Variants in RAB37 observed in about 807,000 individuals in gnomAD.
The protein encoded by RAB37 is RAB37, member RAS oncogene family, also known as ras-related protein Rab-37.
RAB37 carries 29 observed loss-of-function variants against 33.1 expected under a neutral mutation model. The observed-to-expected ratio is 0.88, with a 90% CI of 0.65 to 1.20. The LOEUF (loss-of-function observed/expected upper bound fraction) is 1.20, where lower values mean the gene tolerates loss of function less well. Ranked by LOEUF, RAB37 falls within the 50% of genes most tolerant of loss-of-function variation. The probability of loss-of-function intolerance (pLI) is 0.00; values close to 1 mark genes in which losing one functional copy is unlikely to be tolerated. For synonymous variants in RAB37, 128 were observed against 119.5 expected (o/e 1.07, Z -0.47); for missense variants, 299 against 301.1 (o/e 0.99, Z 0.05).
chr17:74,708,233 G>C (rs1293951676), intron 1 of RAB37, among the ~76,000 whole-genome samples: 3 of 151,548 alleles, frequency 2.0e-5, no homozygotes, highest in Non-Finnish European at 4.4e-5. Context: ...TAGAAAACCT[G>C]AATCATTCCA....
At chr17:74,726,634 T>C (rs757524420) in intron 1 of RAB37, among the ~76,000 whole-genome samples, 12 of 152,136 alleles carry the variant, frequency 7.9e-5, no homozygotes, top group Non-Finnish European at 1.3e-4. Context: ...AAATAAAAGC[T>C]GGAGAGGTTC....
chr17:74,708,223 T>C (rs1444396680), intron 1 of RAB37, among the ~76,000 whole-genome samples: 1 of 146,906 alleles, frequency 6.8e-6, no homozygotes, highest in Non-Finnish European at 1.5e-5. Context: ...ACAAAATAAA[T>C]AGAAAACCTG....
chr17:74,695,613 C>G, intron 1 of RAB37: 1 of 1,481,906 alleles, frequency 6.7e-7, no homozygotes, highest in Non-Finnish European at 9.2e-7. Flanking sequence ...TGCCCCACAC[C>G]TGCCTCCTCT....
In RAB37 at chr17:74,730,210, T is replaced by G. The variant is rs2034367915; in HGVS notation, c.183+844T>G. ...AGGGCCTTCCCTTGGGACTCCAGAA[T>G]CCTAGCATCTCAAGATGGGGAAGAG... On this transcript the variant is annotated intron_variant, in intron 2 of 7. Coordinates refer to the RAB37 transcript ENST00000340415. The surrounding 1 kb of genome is among the most constrained non-coding windows in gnomAD (Gnocchi z 4.4). Among the ~76,000 whole-genome samples the G allele has an allele frequency of 6.6e-6, 1 of 152,120 alleles. No individual in the cohort carries two copies. Among genetic ancestry groups the G allele is most frequent in the East Asian group, 1.9e-4 (1 of 5,182 alleles).
chr17:74,737,214 G>GGGGGGGGGGGGGGGGGGC (rs2144055748), upstream of RAB37: 1 of 1,245,040 alleles, frequency 8.0e-7, no homozygotes. Flanking sequence ...CGGGGGTGGG[G>GGGGGGGGGGGGGGGGGGC]CCGTTCCTGC....
chr17:74,737,438 C>T, intron 1 of RAB37, 73 bp downstream of exon 1: 1 of 1,447,930 alleles, frequency 6.9e-7, no homozygotes, highest in Non-Finnish European at 9.2e-7. Flanking sequence ...CTGGGTTGGA[C>T]TCAGCCCTTC....
intron 1 of RAB37, among the ~76,000 whole-genome samples, chr17:74,682,625 C>T (rs1315225821): frequency 6.6e-6 from 1 of 152,184 alleles, no homozygotes; most frequent in African/African-American, 2.4e-5. Context: ...AGAAAATGGG[C>T]CGGGCGTGGT....
At chr17:74,685,745 C>G (rs1213867663) in intron 1 of RAB37, among the ~76,000 whole-genome samples, 1 of 152,194 alleles carries the variant, frequency 6.6e-6, no homozygotes, top group East Asian at 1.9e-4. Flanking sequence ...TTATCACTGA[C>G]CTCCAGAAAT....
chr17:74,742,272 G>T lies in RAB37; in HGVS notation c.223G>T (p.Asp75Tyr). 4.3e-6 allele frequency: 7 copies of T among 1,613,376 alleles called. No homozygotes were observed. Among genetic ancestry groups the T allele is most frequent in the Non-Finnish European group, 5.9e-6 (7 of 1,179,558 alleles). Residue 75 changes from aspartate to tyrosine, a missense_variant, in exon 3 of 9, where the codon GAT becomes TAT. Physicochemically the swap from Asp to Tyr is radical, Grantham distance 160. Transcript: ENST00000392613. This position sits in a 1 kb window ranked among gnomAD's most constrained non-coding sequence, Gnocchi z 4.0. ...CTTTCAGAACAAGGTGGTGACTGTGGATGGCGTGAGAGTGAAGCTGCAGGT... is the reference window on the plus strand; with the variant it reads ...CTTTCAGAACAAGGTGGTGACTGTGTATGGCGTGAGAGTGAAGCTGCAGGT... ...IDFRNKVVTV[D>Y]GVRVKLQIWD...
chr17:74,739,812 T>G (rs2034565506), intron 1 of RAB37, among the ~76,000 whole-genome samples: 1 of 151,978 alleles, frequency 6.6e-6, no homozygotes, highest in African/African-American at 2.4e-5. Context: ...ATTACACACA[T>G]GAGCTACTGC....
At chr17:74,674,953 T>A (rs2031792988) in intron 1 of RAB37, among the ~76,000 whole-genome samples, 1 of 152,186 alleles carries the variant, frequency 6.6e-6, no homozygotes, top group Non-Finnish European at 1.5e-5. Context: ...AGAAGAGATA[T>A]TGTCGTATGA....
chr17:74,725,796 G>A (rs1267078072), intron 1 of RAB37, among the ~76,000 whole-genome samples: 1 of 151,660 alleles, frequency 6.6e-6, no homozygotes, highest in Non-Finnish European at 1.5e-5. Context: ...GCTAATTTTT[G>A]TATTTTTAGT....
At chr17:74,685,406 T>C (rs1273062805) in intron 1 of RAB37, among the ~76,000 whole-genome samples, 1 of 152,192 alleles carries the variant, frequency 6.6e-6, no homozygotes, top group Non-Finnish European at 1.5e-5. Flanking sequence ...CAGGCTGGTC[T>C]CGATCTCATG....
chr17:74,681,057 C>T lies in RAB37; in HGVS notation c.72+9399C>T, dbSNP rs537582471. Among the ~76,000 whole-genome samples, 105 of 152,360 alleles carry T rather than the reference C, an allele frequency of 6.9e-4. 3 individuals are homozygous for T. The South Asian group carries it at 0.021, about 31-fold the overall frequency. ...CACATGCCAGTCCCCAGGAACAAAACCCACTCTTCATTCCCCAAGGAGCTG... is the reference window on the plus strand; with the variant it reads ...CACATGCCAGTCCCCAGGAACAAAATCCACTCTTCATTCCCCAAGGAGCTG... On this transcript the variant is annotated intron_variant, in intron 1 of 7. Transcript: ENST00000340415.
intron 1 of RAB37, among the ~76,000 whole-genome samples, chr17:74,717,827 A>AG (rs1598302187): frequency 2.7e-5 from 4 of 149,258 alleles, no homozygotes; most frequent in African/African-American, 7.4e-5. Context: ...AAAAAAAAAA[A>AG]CAGAAAAGAA....
At chr17:74,740,941 G>A (rs1598326116) in intron 2 of RAB37, 63 bp downstream of exon 2, 2 of 1,258,854 alleles carry the variant, frequency 1.6e-6, no homozygotes, top group South Asian at 1.2e-5. Context: ...GGCATGGGGG[G>A]GTTGCCCCCA....
At chr17:74,697,549 C>T (rs80338077) in intron 1 of RAB37, among the ~76,000 whole-genome samples, 8,268 of 152,246 alleles carry the variant, frequency 0.054, 453 homozygotes, top group African/African-American at 0.13. Context: ...CGAAAGATTT[C>T]CCAGGCTGTG....
At chr17:74,731,422 G>T (rs2034383142) in intron 2 of RAB37, among the ~76,000 whole-genome samples, 1 of 152,188 alleles carries the variant, frequency 6.6e-6, no homozygotes, top group African/African-American at 2.4e-5. Flanking sequence ...GACTACCTCG[G>T]GCATGCCTTC....
chr17:74,729,342 G>A lies in RAB37; in HGVS notation c.159G>A (p.Ser53=), dbSNP rs372865920. Reference sequence around the variant, plus strand: ...GCAAGTTCATCCCCGGCTCCTTCTCGGCCACTGTGGGCATCGGATTCACGG... The same window carrying A: ...GCAAGTTCATCCCCGGCTCCTTCTCAGCCACTGTGGGCATCGGATTCACGG... Residue 53 remains serine (S), a synonymous_variant, in exon 2 of 8, where the codon TCG becomes TCA. Transcript: ENST00000340415. This position sits in a 1 kb window ranked among gnomAD's most constrained non-coding sequence, Gnocchi z 4.2. The A allele has an allele frequency of 3.4e-5, 55 of 1,613,912 alleles. No individual in the cohort carries two copies. Among genetic ancestry groups the A allele is most frequent in the Non-Finnish European group, 3.2e-5 (38 of 1,179,892 alleles).
Sources: allele counts gnomAD v4.1 joint callset (sites outside exome capture counted in the v4.1 genomes callset), GRCh38; gene constraint gnomAD v4.1.1; non-coding constraint Gnocchi (gnomAD v3.1); transcripts MANE v1.5; gene names NCBI Gene and HGNC (gene_info 2026-07-23, HGNC 2026-07-21).